Variants in THSD7A observed in about 807,000 individuals in gnomAD.
THSD7A encodes the protein thrombospondin type 1 domain containing 7A, also known as thrombospondin type-1 domain-containing protein 7A.
THSD7A carries 96 observed loss-of-function variants against 231.3 expected under a neutral mutation model. That is an observed-to-expected ratio of 0.41 (90% confidence interval 0.35 to 0.49). The LOEUF is 0.49. Among genes scored for constraint, THSD7A ranks in the 20% least tolerant of loss-of-function variants. THSD7A has a pLI of 0.05. For missense variants in THSD7A, 2,290 were observed against 2,070.2 expected, an observed-to-expected ratio of 1.11 and a Z score of -2.06; for synonymous variants, 940 against 743.3, an observed-to-expected ratio of 1.26 and a Z score of -4.30.
chr7:11,504,385 ATAT>A (rs1459286439), intron 6 of THSD7A, among the ~76,000 whole-genome samples: 4 of 152,176 alleles, frequency 2.6e-5, no homozygotes, highest in African/African-American at 9.6e-5. Context: ...GGGTAATGTA[ATAT>A]TATACTTTTG....
At position 11,444,522 on chromosome 7, in the gene THSD7A, T is replaced by C. The variant is rs948281295; in HGVS notation, c.3064+1539A>G. Among the ~76,000 whole-genome samples, 1 of 152,022 alleles carries C rather than the reference T, an allele frequency of 6.6e-6. No homozygotes were observed. The highest frequency in any genetic ancestry group is 1.5e-5 in the Non-Finnish European group (1 of 68,006). On this transcript the variant is annotated intron_variant, in intron 13 of 27. Coordinates refer to ENST00000423059, the MANE Select transcript of THSD7A (RefSeq NM_015204.3). This position sits in a 1 kb window ranked among gnomAD's most constrained non-coding sequence, Gnocchi z 4.2. ...CAAGAACAGAAAACCAAACTCTGCA[T>C]GTTCTCACTCAAAAGTGAAAGTTGA...
At chr7:11,566,955 T>C (rs931525704) in intron 4 of THSD7A, among the ~76,000 whole-genome samples, 6 of 38,288 alleles carry the variant, frequency 1.6e-4, no homozygotes, top group Middle Eastern at 0.019. Context: ...TGGATCCAGC[T>C]GTGGGAGAGT....
At chr7:11,561,572 A>G (rs982795496) in intron 4 of THSD7A, among the ~76,000 whole-genome samples, 4 of 152,214 alleles carry the variant, frequency 2.6e-5, no homozygotes, top group African/African-American at 9.6e-5. Flanking sequence ...ATCCACATTT[A>G]AGAATTAAGA....
intron 1 of THSD7A, among the ~76,000 whole-genome samples, chr7:11,663,204 C>T (rs1037770219): frequency 6.6e-5 from 10 of 151,032 alleles, no homozygotes; most frequent in African/African-American, 2.4e-4. Context: ...TTAATTTATT[C>T]TTCAGACATA....
chr7:11,409,883 C>T (rs975147080), intron 19 of THSD7A, among the ~76,000 whole-genome samples: 3 of 152,070 alleles, frequency 2.0e-5, no homozygotes, highest in Non-Finnish European at 4.4e-5. Flanking sequence ...GCTGGGATTA[C>T]AGGCATGTGC....
intron 11 of THSD7A, among the ~76,000 whole-genome samples, chr7:11,454,214 A>AAG (rs1411003258): frequency 1.3e-5 from 2 of 152,028 alleles, no homozygotes; most frequent in Non-Finnish European, 2.9e-5. Context: ...TATGAGATTT[A>AAG]AGAATGATTC....
intron 4 of THSD7A, among the ~76,000 whole-genome samples, chr7:11,557,319 T>C (rs1169176026): frequency 5.3e-5 from 8 of 152,130 alleles, no homozygotes; most frequent in Non-Finnish European, 1.2e-4. Flanking sequence ...TTCTACTTGG[T>C]TCTTTTTTAC....
chr7:11,671,650 A>T (rs1783400372), intron 1 of THSD7A, among the ~76,000 whole-genome samples: 1 of 152,166 alleles, frequency 6.6e-6, no homozygotes, highest in Non-Finnish European at 1.5e-5. Flanking sequence ...ATAGGTAGAT[A>T]GCTAAAAAAT....
intron 1 of THSD7A, among the ~76,000 whole-genome samples, chr7:11,674,616 C>G (rs78448271): frequency 0.028 from 4,287 of 152,198 alleles, 199 homozygotes; most frequent in African/African-American, 0.098. Flanking sequence ...CACAAAGACA[C>G]AAAGCCAATT....
chr7:11,705,191 C>T (rs372860476), intron 1 of THSD7A, among the ~76,000 whole-genome samples: 11 of 150,876 alleles, frequency 7.3e-5, no homozygotes, highest in African/African-American at 1.9e-4. Context: ...GGAATTTGAC[C>T]TTTAAACCTC....
chr7:11,403,621 A>G (rs1368262899), intron 22 of THSD7A, among the ~76,000 whole-genome samples: 5 of 152,220 alleles, frequency 3.3e-5, no homozygotes, highest in African/African-American at 9.6e-5. Context: ...GAAAGAAAAC[A>G]TACCTTTTCA....
At position 11,382,748 on chromosome 7, in the gene THSD7A, T is replaced by A; in HGVS notation, c.4412-132A>T. The A allele has an allele frequency of 1.2e-5, 9 of 757,112 alleles. 1 individual carries two copies. The South Asian group carries it at 1.6e-4, about 14-fold the overall frequency. The allele number at this position is 757,112 out of a possible 1,614,324, so 46.9% of individuals were successfully genotyped here. A position where few individuals can be genotyped will look rare whatever the true frequency, so the allele number is the denominator to read the frequency against. On this transcript the variant is annotated intron_variant, in intron 23 of 27. Transcript: ENST00000423059. ...TGATGATTCAAATGTCAATTTATTGTCCTGAAGTTGCCATGCATATGTTTA... is the reference window on the plus strand; with the variant it reads ...TGATGATTCAAATGTCAATTTATTGACCTGAAGTTGCCATGCATATGTTTA...
At chr7:11,716,956 C>A (rs1361090186) in intron 1 of THSD7A, among the ~76,000 whole-genome samples, 1 of 151,464 alleles carries the variant, frequency 6.6e-6, no homozygotes, top group Non-Finnish European at 1.5e-5. Flanking sequence ...GAAATAGAAC[C>A]ACCTTTCTCA....
intron 4 of THSD7A, among the ~76,000 whole-genome samples, chr7:11,588,094 A>G (rs901456879): frequency 1.3e-5 from 2 of 151,742 alleles, no homozygotes; most frequent in Non-Finnish European, 2.9e-5. Flanking sequence ...TAGCTGGGGG[A>G]GTTGTTTTGA....
chr7:11,380,868 T>C (rs913738707), intron 24 of THSD7A, among the ~76,000 whole-genome samples: 3 of 152,170 alleles, frequency 2.0e-5, no homozygotes, highest in African/African-American at 7.2e-5. Context: ...CTTTGCTGAA[T>C]TGAAAAGAAA....
intron 4 of THSD7A, among the ~76,000 whole-genome samples, chr7:11,570,474 C>G: frequency 6.6e-6 from 1 of 152,074 alleles, no homozygotes; most frequent in Non-Finnish European, 1.5e-5. Flanking sequence ...TTCAAAATAG[C>G]TGGAAGAGAA....
intron 23 of THSD7A, 44 bp downstream of exon 23, chr7:11,401,751 T>C (rs1203056498): frequency 9.2e-6 from 14 of 1,521,382 alleles, no homozygotes; most frequent in Admixed American, 4.3e-5. Context: ...TTTTTTAATC[T>C]TATGCTTTTG....
At chr7:11,408,100 G>A (rs1360629904) in intron 19 of THSD7A, among the ~76,000 whole-genome samples, 2 of 152,006 alleles carry the variant, frequency 1.3e-5, no homozygotes, top group Non-Finnish European at 2.9e-5. Context: ...CATTTTATTG[G>A]CATTTGGGTT....
At chr7:11,483,651 T>G (rs1786523763) in intron 6 of THSD7A, among the ~76,000 whole-genome samples, 2 of 152,184 alleles carry the variant, frequency 1.3e-5, no homozygotes, top group Non-Finnish European at 2.9e-5. Flanking sequence ...GACTCTTTTT[T>G]CTACTAGGCT....
Sources: allele counts gnomAD v4.1 joint callset (sites outside exome capture counted in the v4.1 genomes callset), GRCh38; gene constraint gnomAD v4.1.1; non-coding constraint Gnocchi (gnomAD v3.1); transcripts MANE v1.5; gene names NCBI Gene and HGNC (gene_info 2026-07-23, HGNC 2026-07-21).